NKAIN2: variants seen among roughly 807,000 people sequenced by gnomAD.
The protein encoded by NKAIN2 is sodium/potassium-transporting ATPase subunit beta-1-interacting protein 2.
A neutral mutation model predicts 32.6 loss-of-function variants in NKAIN2; 14 were observed. The observed-to-expected ratio is 0.43, with a 90% CI of 0.28 to 0.67. The LOEUF is 0.67. Among genes scored for constraint, NKAIN2 ranks in the 30% least tolerant of loss-of-function variants. The probability of loss-of-function intolerance (pLI) is 0.17; values close to 1 mark genes in which losing one functional copy is unlikely to be tolerated. For synonymous variants in NKAIN2, 80 were observed against 87.2 expected, an observed-to-expected ratio of 0.92 and a Z score of 0.46; for missense variants, 198 against 258.3, an observed-to-expected ratio of 0.77 and a Z score of 1.60.
chr6:124,681,067 A>G (rs1347668931), intron 4 of NKAIN2, among the ~76,000 whole-genome samples: 1 of 151,978 alleles, frequency 6.6e-6, no homozygotes, highest in African/African-American at 2.4e-5. Flanking sequence ...ATTATTTAGT[A>G]TAATTTCTTT....
intron 4 of NKAIN2, among the ~76,000 whole-genome samples, chr6:124,701,566 G>A (rs539936345): frequency 9.6e-4 from 146 of 152,224 alleles, no homozygotes; most frequent in African/African-American, 3.3e-3. Context: ...AAGTGATAAA[G>A]TGAGTTAACT....
At chr6:124,366,165 A>G (rs56068034) in intron 3 of NKAIN2, among the ~76,000 whole-genome samples, 4,264 of 152,122 alleles carry the variant, frequency 0.028, 178 homozygotes, top group East Asian at 0.11. Context: ...ACAATAGGGG[A>G]AAAAAAGCAA....
chr6:124,098,420 TACTGAGTAATTAAATAATAC>T (rs1784735316), intron 1 of NKAIN2, among the ~76,000 whole-genome samples: 1 of 152,160 alleles, frequency 6.6e-6, no homozygotes, highest in Admixed American at 6.5e-5. Flanking sequence ...TAGGGCATAA[TACTGAGTAATTAAATAATAC>T]ACTGTTTCTA....
At chr6:123,925,930 G>T (rs1006343167) in intron 1 of NKAIN2, among the ~76,000 whole-genome samples, 2 of 152,196 alleles carry the variant, frequency 1.3e-5, no homozygotes, top group African/African-American at 4.8e-5. Flanking sequence ...TCTGGTGGAT[G>T]AGAAGTCCAG....
intron 3 of NKAIN2, among the ~76,000 whole-genome samples, chr6:124,430,563 A>G (rs1562179670): frequency 6.6e-6 from 1 of 152,104 alleles, no homozygotes; most frequent in East Asian, 1.9e-4. Context: ...GAAACAATCC[A>G]GTATCTCCTT....
At chr6:123,937,898 T>A (rs1036927041) in intron 1 of NKAIN2, among the ~76,000 whole-genome samples, 3 of 135,178 alleles carry the variant, frequency 2.2e-5, no homozygotes, top group African/African-American at 8.4e-5. Flanking sequence ...TCCAAGAGTT[T>A]CTTGAAGAGT....
At chr6:123,922,375 A>C (rs1415095117) in intron 1 of NKAIN2, among the ~76,000 whole-genome samples, 1 of 152,320 alleles carries the variant, frequency 6.6e-6, no homozygotes, top group Non-Finnish European at 1.5e-5. Flanking sequence ...CTATTGGGGA[A>C]TGAAATGTTT....
intron 3 of NKAIN2, among the ~76,000 whole-genome samples, chr6:124,563,638 A>C (rs1417616283): frequency 6.6e-6 from 1 of 152,158 alleles, no homozygotes; most frequent in East Asian, 1.9e-4. Context: ...ATGAGAATGC[A>C]GGTTTTAATT....
intron 3 of NKAIN2, among the ~76,000 whole-genome samples, chr6:124,570,858 C>T (rs1443503917): frequency 6.6e-6 from 1 of 152,170 alleles, no homozygotes; most frequent in Non-Finnish European, 1.5e-5. Flanking sequence ...CCACTGGCAG[C>T]TTGCATCATG....
intron 1 of NKAIN2, among the ~76,000 whole-genome samples, chr6:123,827,416 C>T (rs1450634943): frequency 1.3e-5 from 2 of 152,044 alleles, no homozygotes; most frequent in Admixed American, 1.3e-4. Flanking sequence ...TTCTTCTGGA[C>T]TATTTCTTAT....
chr6:124,225,283 A>C (rs1792047796), intron 1 of NKAIN2, among the ~76,000 whole-genome samples: 1 of 152,106 alleles, frequency 6.6e-6, no homozygotes, highest in Non-Finnish European at 1.5e-5. Context: ...AGCAAAATTA[A>C]ATGCTGTATC....
At chr6:124,582,053 T>TA in intron 3 of NKAIN2, among the ~76,000 whole-genome samples, 1 of 143,968 alleles carries the variant, frequency 6.9e-6, no homozygotes, top group Non-Finnish European at 1.5e-5. Context: ...GAGAAGACAA[T>TA]AAAAAAAGTC....
chr6:124,572,483 TA>T (rs1781163355), intron 3 of NKAIN2, among the ~76,000 whole-genome samples: 1 of 152,232 alleles, frequency 6.6e-6, no homozygotes, highest in South Asian at 2.1e-4. Context: ...GAATCCCAGT[TA>T]ATCTTTCCGG....
intron 1 of NKAIN2, among the ~76,000 whole-genome samples, chr6:124,123,270 A>G (rs1785981169): frequency 6.6e-6 from 1 of 152,048 alleles, no homozygotes; most frequent in South Asian, 2.1e-4. Flanking sequence ...AGACAGCTCT[A>G]ATAGGCTCCT....
rs768687237 is a variant in NKAIN2 at position 123,804,239 on chromosome 6, C to T, written c.39C>T (p.Ile13=). The T allele has an allele frequency of 8.7e-6, 14 of 1,613,706 alleles. No homozygotes were observed. The South Asian group carries it at 1.2e-4, about 14-fold the overall frequency. The change falls in exon 1 of 7, where the codon ATC becomes ATT. Residue 13 remains isoleucine (I), a synonymous_variant. Coordinates refer to ENST00000368417, the MANE Select transcript of NKAIN2 (RefSeq NM_001040214.3). ...GTGGCAGGTGCACGCTTATCTTTAT[C>T]TGTGGCATGCAACTGGTAAGTGACA... is the stretch of plus-strand genomic sequence containing the variant. ...YCSGRCTLIF[I]CGMQLVCVLE... is the part of the protein sequence containing the mutation.
chr6:124,308,928 C>T (rs1242463110), intron 2 of NKAIN2, among the ~76,000 whole-genome samples: 1 of 152,138 alleles, frequency 6.6e-6, no homozygotes, highest in Non-Finnish European at 1.5e-5. Context: ...TGTAACAACA[C>T]AGTCTACAAT....
chr6:124,764,705 G>A (rs1331735626), intron 4 of NKAIN2, among the ~76,000 whole-genome samples: 1 of 152,020 alleles, frequency 6.6e-6, no homozygotes, highest in African/African-American at 2.4e-5. Context: ...ATATTTCTTT[G>A]AGTCGATACC....
chr6:124,390,343 G>T (rs528813799), intron 3 of NKAIN2, among the ~76,000 whole-genome samples: 3 of 152,124 alleles, frequency 2.0e-5, no homozygotes, highest in South Asian at 4.1e-4. Context: ...TAGCAATTAG[G>T]CAGGCTGAAG....
chr6:124,708,892 A>G (rs1446474653), intron 4 of NKAIN2, among the ~76,000 whole-genome samples: 1 of 145,174 alleles, frequency 6.9e-6, no homozygotes, highest in Non-Finnish European at 1.5e-5. Flanking sequence ...AGGAGTGGTG[A>G]GAGAGGGCAT....
Sources: gnomAD v4.1 joint callset for allele counts (sites outside exome capture counted in the v4.1 genomes callset) on GRCh38, gnomAD v4.1.1 for gene constraint, MANE v1.5 for transcripts, NCBI Gene and HGNC (gene_info 2026-07-23, HGNC 2026-07-21) for gene names.